Variants in BABAM2 observed in about 807,000 individuals in gnomAD.
BABAM2 encodes the protein BRISC and BRCA1-A complex member 2.
Under a neutral mutation model 54.7 loss-of-function variants are expected in BABAM2, and 31 were observed. That is an observed-to-expected ratio of 0.57 (90% CI 0.43 to 0.77). The LOEUF (loss-of-function observed/expected upper bound fraction) is 0.77, where lower values mean the gene tolerates loss of function less well. BABAM2 is among the 30% of genes least tolerant of loss of function. BABAM2 has a pLI of 0.00. For missense variants in BABAM2, 364 were observed against 455.8 expected (o/e 0.80, Z 1.83); for synonymous variants, 167 against 162.9 (o/e 1.03, Z -0.19).
At chr2:27,990,222 T>A (rs543877157) in intron 4 of BABAM2, among the ~76,000 whole-genome samples, 1 of 152,286 alleles carries the variant, frequency 6.6e-6, no homozygotes, top group Admixed American at 6.5e-5. Context: ...CCTCCACTAG[T>A]TGGGCGATGT....
At chr2:27,899,037 G>C (rs1665561589) in intron 2 of BABAM2, among the ~76,000 whole-genome samples, 1 of 151,476 alleles carries the variant, frequency 6.6e-6, no homozygotes, top group Non-Finnish European at 1.5e-5. Context: ...GCTGAGACAG[G>C]TGGATCACTT....
chr2:27,990,546 C>T (rs1303172382), intron 4 of BABAM2, among the ~76,000 whole-genome samples: 3 of 152,110 alleles, frequency 2.0e-5, no homozygotes, highest in Non-Finnish European at 4.4e-5. Flanking sequence ...TTGGATTTTT[C>T]CTGAAGTATG....
intron 4 of BABAM2, among the ~76,000 whole-genome samples, chr2:27,990,854 T>TG (rs1672729648): frequency 6.6e-6 from 1 of 151,406 alleles, no homozygotes. Context: ...AAATCGTTTC[T>TG]GGGGAAAAAA....
intron 6 of BABAM2, among the ~76,000 whole-genome samples, chr2:28,100,521 A>G (rs1271063847): frequency 6.6e-6 from 1 of 151,548 alleles, no homozygotes; most frequent in African/African-American, 2.4e-5. Flanking sequence ...TAGTTGAAAA[A>G]CTATGCTTTT....
chr2:27,913,889 C>G (rs904988279), intron 2 of BABAM2, among the ~76,000 whole-genome samples: 1 of 152,112 alleles, frequency 6.6e-6, no homozygotes, highest in African/African-American at 2.4e-5. Flanking sequence ...CTAATTGTAA[C>G]TGATGAAGAT....
intron 10 of BABAM2, among the ~76,000 whole-genome samples, chr2:28,255,229 A>C (rs1683868583): frequency 6.6e-6 from 1 of 152,112 alleles, no homozygotes; most frequent in Non-Finnish European, 1.5e-5. Context: ...TTTCTTTAGA[A>C]AATAGGAGAA....
intron 6 of BABAM2, among the ~76,000 whole-genome samples, chr2:28,128,963 AATT>A (rs1395539864): frequency 6.6e-6 from 1 of 152,156 alleles, no homozygotes; most frequent in African/African-American, 2.4e-5. Context: ...ACTGCAACTT[AATT>A]ATATTTTTGC....
chr2:28,141,008 G>A (rs1186498898), intron 7 of BABAM2, among the ~76,000 whole-genome samples: 1 of 152,052 alleles, frequency 6.6e-6, no homozygotes, highest in Non-Finnish European at 1.5e-5. Context: ...ACAGTAGAGT[G>A]GAAGCCCTCA....
chr2:27,985,833 CT>C (rs1672359334), intron 3 of BABAM2, among the ~76,000 whole-genome samples: 1 of 152,072 alleles, frequency 6.6e-6, no homozygotes, highest in African/African-American at 2.4e-5. Context: ...TCACAGGTAG[CT>C]TGTGTTTATT....
chr2:28,233,425 C>G (rs1681607383), intron 7 of BABAM2: 1 of 372,170 alleles, frequency 2.7e-6, no homozygotes, highest in Middle Eastern at 9.9e-4. Context: ...TTAGAGATCA[C>G]AAGGCCTTAC....
chr2:27,954,075 C>A (rs1669925964), intron 3 of BABAM2, among the ~76,000 whole-genome samples: 1 of 152,172 alleles, frequency 6.6e-6, no homozygotes, highest in African/African-American at 2.4e-5. Context: ...TAGCGGTGCA[C>A]AAACTTGGGC....
chr2:28,119,216 G>T (rs79627684), intron 6 of BABAM2, among the ~76,000 whole-genome samples: 1 of 152,188 alleles, frequency 6.6e-6, no homozygotes, highest in Non-Finnish European at 1.5e-5. Flanking sequence ...GATACTTTAA[G>T]TAAGCCCAGA....
intron 6 of BABAM2, among the ~76,000 whole-genome samples, chr2:28,090,496 C>A (rs1666071616): frequency 1.3e-5 from 2 of 152,200 alleles, no homozygotes; most frequent in Non-Finnish European, 2.9e-5. Flanking sequence ...CCCACCTTGG[C>A]CTCCCAAAGT....
chr2:28,013,844 T>C (rs1261645125), intron 4 of BABAM2, among the ~76,000 whole-genome samples: 1 of 151,830 alleles, frequency 6.6e-6, no homozygotes, highest in Non-Finnish European at 1.5e-5. Flanking sequence ...GAAGCTTCCA[T>C]GGCTTCCATG....
intron 7 of BABAM2, among the ~76,000 whole-genome samples, chr2:28,175,178 T>G (rs1262740232): frequency 6.6e-6 from 1 of 152,152 alleles, no homozygotes; most frequent in East Asian, 1.9e-4. Context: ...CCGAAGCTTA[T>G]GCTCCCCAGA....
intron 6 of BABAM2, among the ~76,000 whole-genome samples, chr2:28,122,085 G>A (rs1158676056): frequency 1.3e-5 from 2 of 152,020 alleles, no homozygotes; most frequent in South Asian, 2.1e-4. Flanking sequence ...CCATGGTGGC[G>A]GGCACCTGTA....
intron 7 of BABAM2, among the ~76,000 whole-genome samples, chr2:28,224,851 C>CAAAAAAAAAAA (rs754146418): frequency 1.2e-5 from 1 of 83,918 alleles, no homozygotes; most frequent in Non-Finnish European, 2.4e-5. Flanking sequence ...GGTAAATTGA[C>CAAAAAAAAAAA]AAAAAAAAAA....
At chr2:28,330,891 C>T (rs1690894564) in intron 11 of BABAM2, among the ~76,000 whole-genome samples, 4 of 152,156 alleles carry the variant, frequency 2.6e-5, no homozygotes, top group Admixed American at 2.6e-4. Flanking sequence ...CAATCCTAAG[C>T]AAAAAGAACA....
At chr2:28,088,770 T>C (rs1665901394) in intron 6 of BABAM2, among the ~76,000 whole-genome samples, 1 of 152,142 alleles carries the variant, frequency 6.6e-6, no homozygotes, top group East Asian at 1.9e-4. Context: ...AGGAAACAAG[T>C]ATGTTTATTC....
Sources: allele counts gnomAD v4.1 joint callset (sites outside exome capture counted in the v4.1 genomes callset), GRCh38; gene constraint gnomAD v4.1.1; transcripts MANE v1.5; gene names NCBI Gene and HGNC (gene_info 2026-07-23, HGNC 2026-07-21).